Variants in EPHB2 observed in about 807,000 individuals in gnomAD.
EPHB2 encodes the protein EPH receptor B2, also known as ephrin type-B receptor 2.
In EPHB2, 18 loss-of-function variants were observed where a neutral mutation model predicts 96.4. That is an observed-to-expected ratio of 0.19 (90% CI 0.13 to 0.28). The LOEUF is 0.28. Among genes scored for constraint, EPHB2 ranks in the 10% least tolerant of loss-of-function variants. EPHB2 has a pLI of 1.00. For missense variants in EPHB2, 989 were observed against 1,355.4 expected (o/e 0.73, Z 4.25); for synonymous variants, 506 against 534.1 (o/e 0.95, Z 0.72).
chr1:22,755,820 T>C (rs1346622423), intron 1 of EPHB2, among the ~76,000 whole-genome samples: 1 of 152,244 alleles, frequency 6.6e-6, no homozygotes, highest in East Asian at 1.9e-4. Flanking sequence ...CATACTATTA[T>C]TATTATTATT....
At chr1:22,744,466 A>G (rs1235420201) in intron 1 of EPHB2, among the ~76,000 whole-genome samples, 2 of 148,886 alleles carry the variant, frequency 1.3e-5, no homozygotes, top group African/African-American at 4.9e-5. Context: ...TATGTTATAT[A>G]TATATATATA....
intron 7 of EPHB2, 73 bp from the exon 8 acceptor site, chr1:22,895,399 C>A: frequency 1.4e-6 from 2 of 1,414,816 alleles, no homozygotes; most frequent in Non-Finnish European, 2.0e-6. Flanking sequence ...AGCAGCATGG[C>A]AGGGGGTAGG....
At chr1:22,905,806 C>T (rs1639893052) in intron 9 of EPHB2, among the ~76,000 whole-genome samples, 181 bp from the exon 10 acceptor site, 1 of 152,218 alleles carries the variant, frequency 6.6e-6, no homozygotes. Flanking sequence ...ACCTCCTACT[C>T]AGTTCACGCC....
rs970274266 is a variant in EPHB2 at position 22,858,689 on chromosome 1, G to C, written c.812-4348G>C. Among the ~76,000 whole-genome samples, 4 of 152,144 alleles carry C rather than the reference G, an allele frequency of 2.6e-5. No homozygotes were observed. The highest frequency in any genetic ancestry group is 4.8e-5 in the African/African-American group (2 of 41,422). On this transcript the variant is annotated intron_variant, in intron 3 of 15. Coordinates refer to ENST00000374630, the MANE Select transcript of EPHB2 (RefSeq NM_017449.5). This position sits in a 1 kb window ranked among gnomAD's most constrained non-coding sequence, Gnocchi z 7.7. ...GGCCCCCCGGGCACTGTGGGCAGTG[G>C]CCACCCAGACCTCTCAGAGGTAGCT...
chr1:22,813,178 T>A (rs922223211), intron 3 of EPHB2, among the ~76,000 whole-genome samples: 1 of 152,178 alleles, frequency 6.6e-6, no homozygotes, highest in African/African-American at 2.4e-5. Context: ...TCAGGCAGGT[T>A]CTCTTGTTTT....
Position 22,913,854 on chromosome 1 carries a change from G to C in EPHB2, c.*284G>C. 1 of 1,602,942 alleles carries C rather than the reference G, an allele frequency of 6.2e-7. No individual in the cohort carries two copies. The highest frequency in any genetic ancestry group is 8.5e-7 in the Non-Finnish European group (1 of 1,175,762). On this transcript the variant is annotated 3_prime_UTR_variant, in exon 16 of 16. Transcript: ENST00000374630. The surrounding 1 kb of genome is among the most constrained non-coding windows in gnomAD (Gnocchi z 4.1). ...GATTCTCATAAGGAAAGCAATGACT[G>C]TTCTTGCGGGGGATAAAAAAGGGCT... is the stretch of plus-strand genomic sequence containing the variant.
intron 3 of EPHB2, among the ~76,000 whole-genome samples, chr1:22,808,131 CA>C (rs35957296): frequency 9.2e-5 from 13 of 141,398 alleles, no homozygotes; most frequent in African/African-American, 8.0e-5. Flanking sequence ...AAGACTGTCA[CA>C]AAAAAAAAAG....
chr1:22,748,728 G>A (rs573733169), intron 1 of EPHB2, among the ~76,000 whole-genome samples: 3 of 148,780 alleles, frequency 2.0e-5, no homozygotes, highest in African/African-American at 7.5e-5. Context: ...TGAGATATAT[G>A]TACATACATA....
intron 3 of EPHB2, among the ~76,000 whole-genome samples, chr1:22,793,942 G>A (rs1355366191): frequency 2.0e-5 from 3 of 152,116 alleles, no homozygotes; most frequent in South Asian, 2.1e-4. Context: ...TTGTCCAGAT[G>A]TACTCACCTT....
In EPHB2 at chr1:22,733,807, A is replaced by T. The variant is rs926742952; in HGVS notation, c.61+22764A>T. ...GACAGAGCTAGAAGTTGAACCCGGG[A>T]CTGGATTCTTGGCCTGGTATGATTT... On this transcript the variant is annotated intron_variant, in intron 1 of 15. Transcript: ENST00000374630. The surrounding 1 kb of genome is among the most constrained non-coding windows in gnomAD (Gnocchi z 4.6). Among the ~76,000 whole-genome samples the T allele has an allele frequency of 1.3e-5, 2 of 151,860 alleles. No individual in the cohort carries two copies. Among genetic ancestry groups the T allele is most frequent in the Admixed American group, 1.3e-4 (2 of 15,242 alleles).
At chr1:22,807,876 G>A (rs1325983891) in intron 3 of EPHB2, among the ~76,000 whole-genome samples, 3 of 152,234 alleles carry the variant, frequency 2.0e-5, no homozygotes, top group Non-Finnish European at 2.9e-5. Context: ...GCTCATGACT[G>A]TAATCCCAGC....
intron 5 of EPHB2, among the ~76,000 whole-genome samples, chr1:22,880,742 C>G (rs1468831399): frequency 6.6e-6 from 1 of 152,256 alleles, no homozygotes; most frequent in African/African-American, 2.4e-5. Flanking sequence ...GTGATACACC[C>G]TCTCATCAAC....
intron 6 of EPHB2, among the ~76,000 whole-genome samples, chr1:22,883,430 T>C (rs1013245401): frequency 7.2e-5 from 11 of 152,190 alleles, no homozygotes; most frequent in African/African-American, 2.7e-4. Context: ...CTTTGAATGA[T>C]CACTTCTCTT....
rs74899501 is a variant in EPHB2, at chr1:22,910,625, G to A, written c.2696+50G>A. ...CCAGCCAGGCCCTGCCCCTCTTCCC[G>A]TCTCCCATCCCTTCTGCCCCCACTT... On this transcript the variant is annotated intron_variant, in intron 14 of 15. Transcript: ENST00000374630. 1,905 of 1,601,254 alleles carry A rather than the reference G, an allele frequency of 1.2e-3. 23 individuals carry two copies. The African/African-American group carries it at 0.021, about 18-fold the overall frequency.
chr1:22,805,075 T>C (rs1354804276), intron 3 of EPHB2, among the ~76,000 whole-genome samples: 3 of 144,928 alleles, frequency 2.1e-5, no homozygotes, highest in Non-Finnish European at 4.5e-5. Flanking sequence ...GGTACCTACA[T>C]ACCAGGGCCA....
At chr1:22,801,321 C>T (rs1644839817) in intron 3 of EPHB2, among the ~76,000 whole-genome samples, 1 of 152,108 alleles carries the variant, frequency 6.6e-6, no homozygotes, top group Non-Finnish European at 1.5e-5. Context: ...GGAAGGGACA[C>T]CCATGAATGC....
intron 3 of EPHB2, among the ~76,000 whole-genome samples, chr1:22,787,078 A>C (rs1644622851): frequency 6.6e-6 from 1 of 152,222 alleles, no homozygotes; most frequent in South Asian, 2.1e-4. Flanking sequence ...AGCATCAGGC[A>C]GTACAGAGAA....
chr1:22,713,249 A>G (rs1460194169), intron 1 of EPHB2, among the ~76,000 whole-genome samples: 1 of 152,158 alleles, frequency 6.6e-6, no homozygotes, highest in Non-Finnish European at 1.5e-5. Flanking sequence ...GTGGTTAATA[A>G]GGAGCTGGCC....
At chr1:22,888,674 G>T (rs372139370) in intron 6 of EPHB2, among the ~76,000 whole-genome samples, 27 of 152,332 alleles carry the variant, frequency 1.8e-4, no homozygotes, top group African/African-American at 6.5e-4. Flanking sequence ...AGGAGAGACC[G>T]AAGGGAATTG....
Sources: gnomAD v4.1 joint callset for allele counts (sites outside exome capture counted in the v4.1 genomes callset) on GRCh38, gnomAD v4.1.1 for gene constraint, Gnocchi (gnomAD v3.1) non-coding constraint, MANE v1.5 for transcripts, NCBI Gene and HGNC (gene_info 2026-07-23, HGNC 2026-07-21) for gene names.